The following DLG1 variants were observed in gnomAD, a reference collection of about 807,000 sequenced individuals.
DLG1 encodes the protein disks large homolog 1.
Under a neutral mutation model 123.4 loss-of-function variants are expected in DLG1, and 42 were observed. That is an observed-to-expected ratio of 0.34 (90% CI 0.27 to 0.44). The LOEUF (loss-of-function observed/expected upper bound fraction) is 0.44, where lower values mean the gene tolerates loss of function less well. DLG1 is among the 20% of genes least tolerant of loss of function. DLG1 has a pLI of 1.00. For synonymous variants in DLG1, 317 were observed against 356.2 expected (o/e 0.89, Z 1.24); for missense variants, 942 against 1,082.6 (o/e 0.87, Z 1.82).
Position 197,051,564 on chromosome 3 carries a change from A to G in DLG1, c.2575+13T>C, listed in dbSNP as rs1254424164. On this transcript the variant is annotated intron_variant, in intron 24 of 24. Transcript: ENST00000667157. ...TTCTATCTTAAAGAGGACTGTTACAACACGGTTCCAACCTGTGAAATGTTC... is the reference window on the plus strand; with the variant it reads ...TTCTATCTTAAAGAGGACTGTTACAGCACGGTTCCAACCTGTGAAATGTTC... 5.6e-6 allele frequency: 9 copies of G among 1,608,438 alleles called. No homozygotes were observed. The highest frequency in any genetic ancestry group is 7.7e-6 in the Non-Finnish European group (9 of 1,175,256).
At chr3:197,280,755 A>C (rs750960022) in intron 4 of DLG1, among the ~76,000 whole-genome samples, 1 of 152,356 alleles carries the variant, frequency 6.6e-6, no homozygotes, top group Admixed American at 6.5e-5. Context: ...AATTCTCTTA[A>C]AGTTTAACAT....
chr3:197,148,953 C>T (rs1268178337), intron 6 of DLG1, among the ~76,000 whole-genome samples: 3 of 152,136 alleles, frequency 2.0e-5, no homozygotes, highest in Non-Finnish European at 2.9e-5. Flanking sequence ...AAACTTTTTG[C>T]TCTTTTGATA....
At chr3:197,199,842 C>A (rs530231437) in intron 4 of DLG1, among the ~76,000 whole-genome samples, 15 of 152,184 alleles carry the variant, frequency 9.9e-5, no homozygotes, top group African/African-American at 3.4e-4. Flanking sequence ...GTCTAACTTA[C>A]CTAACACTTA....
chr3:197,132,255 G>A (rs1451375284), intron 10 of DLG1, among the ~76,000 whole-genome samples: 3 of 144,094 alleles, frequency 2.1e-5, no homozygotes, highest in African/African-American at 7.7e-5. Flanking sequence ...CCACCCTTCT[G>A]TTTGCTTTAG....
chr3:197,141,713 G>C (rs555519921), intron 7 of DLG1, among the ~76,000 whole-genome samples: 3 of 152,054 alleles, frequency 2.0e-5, no homozygotes, highest in South Asian at 2.1e-4. Flanking sequence ...AATAAAAACT[G>C]AATGCAGATA....
intron 5 of DLG1, among the ~76,000 whole-genome samples, chr3:197,189,975 A>G (rs1276834555): frequency 6.6e-6 from 1 of 152,230 alleles, no homozygotes; most frequent in African/African-American, 2.4e-5. Context: ...AAGCCTCTAT[A>G]AAATATTTCT....
chr3:197,110,617 C>T (rs537172071), intron 13 of DLG1, among the ~76,000 whole-genome samples: 9 of 152,180 alleles, frequency 5.9e-5, no homozygotes, highest in Non-Finnish European at 8.8e-5. Flanking sequence ...AAATATAATA[C>T]GGCAACTCCA....
At chr3:197,159,443 G>C (rs1797881117) in intron 5 of DLG1, among the ~76,000 whole-genome samples, 3 of 152,122 alleles carry the variant, frequency 2.0e-5, no homozygotes, top group Admixed American at 2.0e-4. Flanking sequence ...ATAGATGAAG[G>C]GGGTATAAAA....
At chr3:197,183,758 T>C in intron 5 of DLG1, 1 of 1,550,506 alleles carries the variant, frequency 6.4e-7, no homozygotes, top group Non-Finnish European at 8.7e-7. Context: ...TATTGCCTCC[T>C]CGACTGCCGC....
At chr3:197,186,046 C>G (rs1465810201) in intron 5 of DLG1, among the ~76,000 whole-genome samples, 1 of 152,194 alleles carries the variant, frequency 6.6e-6, no homozygotes, top group Non-Finnish European at 1.5e-5. Context: ...AATTTCCTAT[C>G]CAAATCCATT....
chr3:197,151,699 T>C (rs61000503), intron 5 of DLG1, among the ~76,000 whole-genome samples: 12 of 152,074 alleles, frequency 7.9e-5, no homozygotes, highest in African/African-American at 2.9e-4. Flanking sequence ...TTTAAAGAGG[T>C]TAATAGCTAA....
At chr3:197,063,505 T>G (rs1737292844) in intron 22 of DLG1, among the ~76,000 whole-genome samples, 1 of 152,190 alleles carries the variant, frequency 6.6e-6, no homozygotes, top group African/African-American at 2.4e-5. Context: ...TTTCCCATTT[T>G]CTCTTATTTT....
At chr3:197,068,118 T>G (rs566123988) in intron 19 of DLG1, among the ~76,000 whole-genome samples, 1 of 152,360 alleles carries the variant, frequency 6.6e-6, no homozygotes, top group East Asian at 1.9e-4. Context: ...TTTAGAAGTA[T>G]TTCTTTGTTT....
chr3:197,171,184 C>A (rs1804012920), intron 5 of DLG1, among the ~76,000 whole-genome samples: 1 of 152,030 alleles, frequency 6.6e-6, no homozygotes, highest in Non-Finnish European at 1.5e-5. Flanking sequence ...AAACTGCAAG[C>A]CTTTTGAATG....
chr3:197,107,438 G>A (rs1326536176), intron 13 of DLG1, among the ~76,000 whole-genome samples: 1 of 152,038 alleles, frequency 6.6e-6, no homozygotes, highest in Non-Finnish European at 1.5e-5. Flanking sequence ...CCAGCTACTT[G>A]GGAGGCTGAG....
intron 4 of DLG1, among the ~76,000 whole-genome samples, chr3:197,267,308 A>G (rs1762086012): frequency 6.6e-6 from 1 of 152,220 alleles, no homozygotes; most frequent in Admixed American, 6.5e-5. Context: ...CCACCAAAAA[A>G]TCAGATAACA....
rs1184770284 is a variant in DLG1, at chr3:197,062,314, T to G, written c.2374-2316A>C. ...TTTTCATGTAATTCATTGAATACTG[T>G]TCTACAAGTGAAAAACAGAATAGCT... On this transcript the variant is annotated intron_variant, in intron 22 of 24. Transcript: ENST00000667157. Among the ~76,000 whole-genome samples, 3 of 152,208 alleles carry G rather than the reference T, an allele frequency of 2.0e-5. No homozygotes were observed. In the East Asian group the frequency reaches 5.8e-4, roughly 29 times the overall value.
intron 4 of DLG1, among the ~76,000 whole-genome samples, chr3:197,275,931 A>G (rs574613914): frequency 6.6e-6 from 1 of 152,362 alleles, no homozygotes; most frequent in African/African-American, 2.4e-5. Flanking sequence ...TGGATATCCC[A>G]ATTACCCTGA....
At chr3:197,141,724 T>C (rs1353987581) in intron 7 of DLG1, among the ~76,000 whole-genome samples, 5 of 151,848 alleles carry the variant, frequency 3.3e-5, no homozygotes, top group Non-Finnish European at 5.9e-5. Context: ...AATGCAGATA[T>C]TCTTTTTTCT....
Sources: gnomAD v4.1 joint callset for allele counts (sites outside exome capture counted in the v4.1 genomes callset) on GRCh38, gnomAD v4.1.1 for gene constraint, MANE v1.5 for transcripts, NCBI Gene and HGNC (gene_info 2026-07-23, HGNC 2026-07-21) for gene names.